The following ZNF600 variants were observed in gnomAD, a reference collection of about 807,000 sequenced individuals.
The protein encoded by ZNF600 is zinc finger protein 600.
A neutral mutation model predicts 7.3 loss-of-function variants in ZNF600; 4 were observed. The ratio of observed to expected loss-of-function variants is 0.55; its 90% confidence interval spans 0.27 to 1.25. The LOEUF (loss-of-function observed/expected upper bound fraction) is 1.25, where lower values mean the gene tolerates loss of function less well. Ranked by LOEUF, ZNF600 falls within the 50% of genes most tolerant of loss-of-function variation. The probability of loss-of-function intolerance (pLI) is 0.12; values close to 1 mark genes in which losing one functional copy is unlikely to be tolerated. For missense variants in ZNF600, 911 were observed against 922.1 expected, an observed-to-expected ratio of 0.99 and a Z score of 0.16; for synonymous variants, 290 against 308.9, an observed-to-expected ratio of 0.94 and a Z score of 0.64.
At chr19:52,796,467 A>C in the ZNF600 span, among the ~76,000 whole-genome samples, 2 of 151,554 alleles carry the variant, frequency 1.3e-5, no homozygotes, top group African/African-American at 4.8e-5. Flanking sequence ...TAAATACACA[A>C]TTTATATGTG....
At chr19:52,783,133 A>G (rs937362121) in intron 1 of ZNF600, among the ~76,000 whole-genome samples, 13 of 151,290 alleles carry the variant, frequency 8.6e-5, no homozygotes, top group Non-Finnish European at 1.8e-4. Flanking sequence ...GAGGGGTTGC[A>G]GAGGGAAGCT....
the ZNF600 span, among the ~76,000 whole-genome samples, chr19:52,802,753 C>T: frequency 7.1e-6 from 1 of 141,568 alleles, no homozygotes; most frequent in South Asian, 2.2e-4. Context: ...GGAACAGGCA[C>T]GTTGTGACTT....
At chr19:52,778,200 G>T (rs559550938) in intron 2 of ZNF600, among the ~76,000 whole-genome samples, 1 of 152,132 alleles carries the variant, frequency 6.6e-6, no homozygotes, top group Non-Finnish European at 1.5e-5. Context: ...TTTTAGTAGA[G>T]GTGGGGTTTC....
At chr19:52,832,395 C>T in the ZNF600 span, among the ~76,000 whole-genome samples, 2 of 151,836 alleles carry the variant, frequency 1.3e-5, no homozygotes, top group Admixed American at 6.6e-5. Flanking sequence ...GAGTTCCTGA[C>T]CAGCCTGACC....
chr19:52,769,156 C>A (rs1336650649), intron 3 of ZNF600, among the ~76,000 whole-genome samples: 1 of 152,050 alleles, frequency 6.6e-6, no homozygotes, highest in Non-Finnish European at 1.5e-5. Context: ...CTTAGCAGAC[C>A]GGGAAAGGGA....
At chr19:52,790,904 C>T (rs2062789494), upstream of ZNF600, among the ~76,000 whole-genome samples, 1 of 151,980 alleles carries the variant, frequency 6.6e-6, no homozygotes, top group Non-Finnish European at 1.5e-5. Flanking sequence ...TGGTCTCAAA[C>T]CCCTGGCCTC....
At chr19:52,779,154 G>A (rs2062700525) in intron 1 of ZNF600, among the ~76,000 whole-genome samples, 1 of 152,160 alleles carries the variant, frequency 6.6e-6, no homozygotes, top group Non-Finnish European at 1.5e-5. Context: ...GAGCTGGGCT[G>A]GACTGATCTC....
chr19:52,779,941 A>C (rs1350243329), intron 1 of ZNF600, among the ~76,000 whole-genome samples: 1 of 152,150 alleles, frequency 6.6e-6, no homozygotes, highest in Admixed American at 6.6e-5. Flanking sequence ...ACTTGAACCC[A>C]GGAGGCAGAG....
the ZNF600 span, chr19:52,808,215 T>C: frequency 1.3e-6 from 2 of 1,575,710 alleles, no homozygotes; most frequent in East Asian, 2.2e-5. Context: ...GGGGAAAGCA[T>C]GGATTTAGTT....
the ZNF600 span, chr19:52,817,901 G>A: frequency 3.1e-6 from 5 of 1,609,262 alleles, no homozygotes; most frequent in Non-Finnish European, 4.2e-6. Flanking sequence ...CAGCGTTTCT[G>A]AAAGGAAGGA....
chr19:52,805,905 G>A, the ZNF600 span: 1 of 151,910 alleles, frequency 6.6e-6, no homozygotes, highest in African/African-American at 2.4e-5. Context: ...GGTTGTACCC[G>A]AGAGGCAGAG....
exon 4 of ZNF600, chr19:52,765,037 A>C (rs2062557575): frequency 2.4e-5 from 7 of 292,996 alleles, no homozygotes; most frequent in Middle Eastern, 8.2e-4. Context: ...CACCTGGCCC[A>C]ATCCTCTTAA....
chr19:52,789,297 GAGGAGGACAGAGGC>G, upstream of ZNF600, among the ~76,000 whole-genome samples: 4 of 152,320 alleles, frequency 2.6e-5, 1 homozygote, highest in Non-Finnish European at 5.9e-5. Flanking sequence ...TAGAGGTAGG[GAGGAGGACAGAGGC>G]AGGAGTTGAT....
At chr19:52,768,406 C>T (rs906873802) in intron 3 of ZNF600, among the ~76,000 whole-genome samples, 2 of 148,190 alleles carry the variant, frequency 1.3e-5, no homozygotes, top group Non-Finnish European at 3.0e-5. Flanking sequence ...CACCTCTGCA[C>T]TCCAGCCTGG....
At chr19:52,831,287 C>A in the ZNF600 span, among the ~76,000 whole-genome samples, 7 of 151,952 alleles carry the variant, frequency 4.6e-5, no homozygotes, top group Admixed American at 2.6e-4. Flanking sequence ...TAATAACAAT[C>A]ATAATAATAA....
exon 1 of ZNF600, chr19:52,786,631 A>T (rs2062765956): frequency 5.1e-6 from 1 of 195,260 alleles, no homozygotes; most frequent in African/African-American, 2.3e-5. Context: ...AAGGGAAGAC[A>T]GGCGAGAATT....
chr19:52,766,838 T>C, exon 4 of ZNF600: 1 of 1,614,146 alleles, frequency 6.2e-7, no homozygotes, highest in Non-Finnish European at 8.5e-7. Context: ...CTTTGTCACA[T>C]TCTTCACATT....
At chr19:52,807,915 C>G in the ZNF600 span, 2 of 1,577,428 alleles carry the variant, frequency 1.3e-6, no homozygotes, top group Non-Finnish European at 8.6e-7. Context: ...AATACGGCTT[C>G]CATTTTAGTC....
At chr19:52,826,894 G>GA in the ZNF600 span, among the ~76,000 whole-genome samples, 6 of 151,278 alleles carry the variant, frequency 4.0e-5, no homozygotes, top group African/African-American at 1.5e-4. Flanking sequence ...ACCTAAAAAA[G>GA]AAAAAAAAGT....
Sources: gnomAD v4.1 joint callset for allele counts (sites outside exome capture counted in the v4.1 genomes callset) on GRCh38, gnomAD v4.1.1 for gene constraint, MANE v1.5 for transcripts, NCBI Gene and HGNC (gene_info 2026-07-23, HGNC 2026-07-21) for gene names.